Variants in CTNNA3 observed in about 807,000 individuals in gnomAD.
CTNNA3 encodes the protein catenin alpha-3.
Under a neutral mutation model 95.7 loss-of-function variants are expected in CTNNA3, and 76 were observed. That is an observed-to-expected ratio of 0.79 (90% CI 0.66 to 0.96). The LOEUF is 0.96. CTNNA3 is among the 40% of genes least tolerant of loss of function. The pLI is 0.00. For synonymous variants in CTNNA3, 431 were observed against 374.4 expected, an observed-to-expected ratio of 1.15 and a Z score of -1.74; for missense variants, 1,191 against 1,089.8, an observed-to-expected ratio of 1.09 and a Z score of -1.31.
intron 15 of CTNNA3, among the ~76,000 whole-genome samples, chr10:66,059,828 T>A (rs992870026): frequency 6.6e-6 from 1 of 152,110 alleles, no homozygotes; most frequent in African/African-American, 2.4e-5. Flanking sequence ...TACAATTTCA[T>A]GAGGATAGGG....
At chr10:67,560,866 G>C (rs972246514) in intron 3 of CTNNA3, among the ~76,000 whole-genome samples, 60 of 151,966 alleles carry the variant, frequency 3.9e-4, no homozygotes, top group Admixed American at 1.5e-3. Context: ...GACTTTAAAT[G>C]AAAAAAGATC....
intron 11 of CTNNA3, among the ~76,000 whole-genome samples, chr10:66,474,401 T>C (rs949838280): frequency 6.6e-5 from 10 of 152,092 alleles, no homozygotes; most frequent in African/African-American, 2.4e-4. Flanking sequence ...AATGGCTGAA[T>C]AGTATCCCAC....
At chr10:67,528,685 T>A (rs1434241142) in intron 4 of CTNNA3, among the ~76,000 whole-genome samples, 1 of 152,196 alleles carries the variant, frequency 6.6e-6, no homozygotes, top group Non-Finnish European at 1.5e-5. Context: ...TTTTATCTAG[T>A]CTGTAAATTC....
chr10:66,635,158 C>T (rs921924569), intron 9 of CTNNA3, among the ~76,000 whole-genome samples: 3 of 152,054 alleles, frequency 2.0e-5, no homozygotes, highest in African/African-American at 7.2e-5. Context: ...AATCACCACT[C>T]AAAGGATAAA....
intron 7 of CTNNA3, among the ~76,000 whole-genome samples, chr10:67,136,813 G>A (rs983485194): frequency 1.3e-5 from 2 of 152,160 alleles, no homozygotes; most frequent in Non-Finnish European, 2.9e-5. Flanking sequence ...CTAGCAGGGG[G>A]AAGGAAGAGT....
At chr10:66,372,922 A>G (rs905086186) in intron 12 of CTNNA3, among the ~76,000 whole-genome samples, 2 of 152,150 alleles carry the variant, frequency 1.3e-5, no homozygotes, top group African/African-American at 4.8e-5. Context: ...GTTCAAAATG[A>G]GATTTGGGTG....
chr10:66,135,671 T>A (rs2083308808), intron 13 of CTNNA3, among the ~76,000 whole-genome samples: 1 of 152,172 alleles, frequency 6.6e-6, no homozygotes, highest in Non-Finnish European at 1.5e-5. Flanking sequence ...TCTCTAAGTA[T>A]CCTCAAGCAG....
chr10:67,473,437 G>A (rs144053327), intron 5 of CTNNA3, among the ~76,000 whole-genome samples: 18 of 152,156 alleles, frequency 1.2e-4, no homozygotes, highest in African/African-American at 3.1e-4. Flanking sequence ...AAATATTAGC[G>A]ATAACAGAGA....
At chr10:66,301,406 A>G (rs895012913) in intron 12 of CTNNA3, among the ~76,000 whole-genome samples, 1 of 151,974 alleles carries the variant, frequency 6.6e-6, no homozygotes, top group African/African-American at 2.4e-5. Context: ...ACGAACATAA[A>G]TGCCAAGATT....
chr10:67,745,112 G>A (rs1841366837), intron 1 of CTNNA3, among the ~76,000 whole-genome samples: 1 of 151,980 alleles, frequency 6.6e-6, no homozygotes, highest in South Asian at 2.1e-4. Flanking sequence ...GATTCCTCAG[G>A]GATCTAGAAC....
intron 11 of CTNNA3, among the ~76,000 whole-genome samples, chr10:66,386,012 G>A (rs2092887682): frequency 6.6e-6 from 1 of 152,098 alleles, no homozygotes; most frequent in Non-Finnish European, 1.5e-5. Context: ...AAAACTGGAA[G>A]CATTCCCTTT....
intron 15 of CTNNA3, among the ~76,000 whole-genome samples, chr10:66,058,615 G>A (rs1405630438): frequency 6.6e-6 from 1 of 152,140 alleles, no homozygotes; most frequent in East Asian, 1.9e-4. Context: ...TGAGAGCTCA[G>A]TGCTTCCAAA....
intron 5 of CTNNA3, among the ~76,000 whole-genome samples, chr10:67,226,729 TA>T (rs1864935498): frequency 6.6e-6 from 1 of 152,208 alleles, no homozygotes; most frequent in Non-Finnish European, 1.5e-5. Flanking sequence ...TAAGAAGCTC[TA>T]AACCTTGAAA....
intron 5 of CTNNA3, among the ~76,000 whole-genome samples, chr10:67,397,869 TG>T (rs1844771646): frequency 6.6e-6 from 1 of 152,348 alleles, no homozygotes; most frequent in South Asian, 2.1e-4. Flanking sequence ...CCCCAAGCCT[TG>T]GCAGCTTCCA....
At chr10:67,594,119 T>C (rs979917593) in intron 3 of CTNNA3, among the ~76,000 whole-genome samples, 1 of 152,204 alleles carries the variant, frequency 6.6e-6, no homozygotes, top group Non-Finnish European at 1.5e-5. Flanking sequence ...TTGATTGTCA[T>C]GAATTAGCTT....
At chr10:67,032,859 T>C (rs561468833) in intron 7 of CTNNA3, among the ~76,000 whole-genome samples, 2 of 152,344 alleles carry the variant, frequency 1.3e-5, no homozygotes, top group African/African-American at 4.8e-5. Flanking sequence ...TACAAGCTTT[T>C]CAGCTGTATA....
intron 4 of CTNNA3, among the ~76,000 whole-genome samples, chr10:67,523,608 G>A (rs1589387490): frequency 6.6e-6 from 1 of 152,152 alleles, no homozygotes; most frequent in African/African-American, 2.4e-5. Context: ...TACTGACACT[G>A]ACGGAGGGAC....
chr10:67,533,387 T>C (rs926658044), intron 4 of CTNNA3, among the ~76,000 whole-genome samples: 4 of 150,652 alleles, frequency 2.7e-5, no homozygotes, highest in Admixed American at 1.3e-4. Flanking sequence ...GAAGAACAAA[T>C]AGTACAGAAA....
chr10:66,162,493 C>T (rs774646375), intron 13 of CTNNA3, among the ~76,000 whole-genome samples: 13 of 152,050 alleles, frequency 8.5e-5, no homozygotes, highest in Non-Finnish European at 1.6e-4. Flanking sequence ...GTCTAGCCAC[C>T]CAGCGAGTCT....
Sources: allele counts gnomAD v4.1 joint callset (sites outside exome capture counted in the v4.1 genomes callset), GRCh38; gene constraint gnomAD v4.1.1; transcripts MANE v1.5; gene names NCBI Gene and HGNC (gene_info 2026-07-23, HGNC 2026-07-21).